Variants in DSCAML1 observed in about 807,000 individuals in gnomAD.
DSCAML1 encodes the protein DS cell adhesion molecule like 1.
DSCAML1 carries 38 observed loss-of-function variants against 200.5 expected under a neutral mutation model. The ratio of observed to expected loss-of-function variants is 0.19; its 90% CI spans 0.15 to 0.25. The LOEUF is 0.25. Ranked by LOEUF, DSCAML1 falls within the 10% of genes least tolerant of loss-of-function variation. The pLI, the probability that DSCAML1 is intolerant of heterozygous loss-of-function variation, is 1.00. For missense variants in DSCAML1, 2,223 were observed against 2,858.8 expected (o/e 0.78, Z 5.07); for synonymous variants, 1,215 against 1,165.0 (o/e 1.04, Z -0.87).
chr11:117,504,852 C>A lies in DSCAML1; in HGVS notation c.2182+72G>T. 1 of 1,529,492 alleles carries A rather than the reference C, an allele frequency of 6.5e-7. No individual in the cohort carries two copies. The highest frequency in any genetic ancestry group is 8.8e-7 in the Non-Finnish European group (1 of 1,133,802). 94.7% of individuals were successfully genotyped at this position (1,529,492 alleles called of 1,614,324 possible). A position where few individuals can be genotyped will look rare whatever the true frequency, so the allele number is the denominator to read the frequency against. ...AGGAGTTGCCTGCATGGAACAGGTT[C>A]AAATCCCACAGAGCATCCTCCGTTC... On this transcript the variant is annotated intron_variant, in intron 10 of 32. Coordinates refer to ENST00000651296, the MANE Select transcript of DSCAML1 (RefSeq NM_020693.4). This position sits in a 1 kb window ranked among gnomAD's most constrained non-coding sequence, Gnocchi z 5.0.
chr11:117,668,195 A>G (rs1296795426), intron 3 of DSCAML1, among the ~76,000 whole-genome samples: 1 of 152,250 alleles, frequency 6.6e-6, no homozygotes, highest in Non-Finnish European at 1.5e-5. Context: ...GGAATGAGAC[A>G]GATGTGGTCT....
At chr11:117,711,316 C>G (rs2053845148) in intron 3 of DSCAML1, among the ~76,000 whole-genome samples, 2 of 152,190 alleles carry the variant, frequency 1.3e-5, no homozygotes, top group Middle Eastern at 3.2e-3. Context: ...CAAAAATGTG[C>G]TGACTGTGAG....
At chr11:117,578,236 G>GAAAAAAAAAAAA (rs59533726) in intron 3 of DSCAML1, among the ~76,000 whole-genome samples, 1 of 101,410 alleles carries the variant, frequency 9.9e-6, no homozygotes, top group Admixed American at 1.0e-4. Flanking sequence ...ACTCTGTCTC[G>GAAAAAAAAAAAA]AAAAAAAAAA....
rs758285923 is a variant in DSCAML1 at position 117,428,304 on chromosome 11, G to C, written c.*24C>G. 7 of 1,333,694 alleles carry C rather than the reference G, an allele frequency of 5.2e-6. No homozygotes were observed. The South Asian group carries it at 7.3e-5, about 14-fold the overall frequency. The allele number at this position is 1,333,694 out of a possible 1,614,324, so 82.6% of individuals were successfully genotyped here. A position where few individuals can be genotyped will look rare whatever the true frequency, so the allele number is the denominator to read the frequency against. On this transcript the variant is annotated 3_prime_UTR_variant, in exon 33 of 33. Transcript: ENST00000651296. ...GGGGCTGCGGCGCGGCGCGGTCCAG[G>C]CGTGGCTGCTCTTCCTGCGGGCCCT...
intron 3 of DSCAML1, among the ~76,000 whole-genome samples, chr11:117,730,763 A>G (rs781253868): frequency 6.6e-6 from 1 of 152,254 alleles, no homozygotes; most frequent in Non-Finnish European, 1.5e-5. Context: ...AAATGTTCAC[A>G]GCAGCATTTT....
chr11:117,579,182 C>T (rs1035615938), intron 3 of DSCAML1, among the ~76,000 whole-genome samples: 2 of 152,188 alleles, frequency 1.3e-5, no homozygotes, highest in African/African-American at 4.8e-5. Context: ...TGCTTCCACT[C>T]TTGTCCTCTT....
chr11:117,718,668 A>AAACC (rs1491277934), intron 3 of DSCAML1, among the ~76,000 whole-genome samples: 4 of 25,782 alleles, frequency 1.6e-4, no homozygotes, highest in African/African-American at 2.8e-4. Context: ...AATACTCAAA[A>AAACC]CCCCCCCCCC....
At chr11:117,634,930 C>A (rs1808122059) in intron 3 of DSCAML1, among the ~76,000 whole-genome samples, 2 of 152,208 alleles carry the variant, frequency 1.3e-5, no homozygotes, top group South Asian at 4.1e-4. Flanking sequence ...GACATCAGAT[C>A]TTGTCTCTGG....
chr11:117,617,841 T>C (rs2051843096), intron 3 of DSCAML1, among the ~76,000 whole-genome samples: 1 of 151,894 alleles, frequency 6.6e-6, no homozygotes, highest in Admixed American at 6.6e-5. Context: ...ACTCTGTGCC[T>C]CCCCTCGCTA....
chr11:117,523,402 C>G lies in DSCAML1; in HGVS notation c.937+1403G>C, dbSNP rs1057475755. Among the ~76,000 whole-genome samples, 8 of 152,316 alleles carry G rather than the reference C, an allele frequency of 5.3e-5. No individual in the cohort carries two copies. In the South Asian group the frequency reaches 6.2e-4, roughly 12 times the overall value. On this transcript the variant is annotated intron_variant, in intron 5 of 32. Coordinates refer to ENST00000651296, the MANE Select transcript of DSCAML1 (RefSeq NM_020693.4). ...GGAGGTGCCAATCCTGATCCTCTGTCTGCTCTGCTGTCCAGGGCTTGTTTG... is the reference window on the plus strand; with the variant it reads ...GGAGGTGCCAATCCTGATCCTCTGTGTGCTCTGCTGTCCAGGGCTTGTTTG...
intron 11 of DSCAML1, among the ~76,000 whole-genome samples, chr11:117,487,323 T>G (rs1302861195): frequency 6.6e-6 from 1 of 152,146 alleles, no homozygotes. Context: ...TTTATTTTTT[T>G]GAACATGTGA....
intron 3 of DSCAML1, among the ~76,000 whole-genome samples, chr11:117,712,893 G>C (rs1452968918): frequency 1.3e-5 from 2 of 151,994 alleles, no homozygotes; most frequent in African/African-American, 2.4e-5. Flanking sequence ...TTCTGGGGCT[G>C]AGTGAGTGTG....
chr11:117,637,035 T>C (rs2052301755), intron 3 of DSCAML1, among the ~76,000 whole-genome samples: 1 of 152,196 alleles, frequency 6.6e-6, no homozygotes, highest in Admixed American at 6.5e-5. Context: ...TGCTTTCTCT[T>C]GCTCCTGGCC....
chr11:117,738,905 G>A (rs1374027490), intron 3 of DSCAML1, among the ~76,000 whole-genome samples: 1 of 152,204 alleles, frequency 6.6e-6, no homozygotes, highest in Non-Finnish European at 1.5e-5. Context: ...GGTAAGAGAT[G>A]AAGAGATGTA....
At chr11:117,483,396 C>T (rs1592648564) in intron 11 of DSCAML1, among the ~76,000 whole-genome samples, 1 of 152,196 alleles carries the variant, frequency 6.6e-6, no homozygotes, top group African/African-American at 2.4e-5. Context: ...GACTGAGGGG[C>T]ATCAGGGAAA....
intron 4 of DSCAML1, among the ~76,000 whole-genome samples, chr11:117,529,239 G>A (rs1039445789): frequency 6.6e-6 from 1 of 151,952 alleles, no homozygotes; most frequent in Non-Finnish European, 1.5e-5. Context: ...CACCACACTC[G>A]GCTAACGTTT....
intron 11 of DSCAML1, among the ~76,000 whole-genome samples, chr11:117,486,064 A>G (rs1009105536): frequency 6.6e-6 from 1 of 152,238 alleles, no homozygotes; most frequent in African/African-American, 2.4e-5. Flanking sequence ...AGTGGCAGGG[A>G]AAAGGGTGTG....
intron 3 of DSCAML1, among the ~76,000 whole-genome samples, chr11:117,675,362 A>G (rs1184264459): frequency 6.6e-6 from 1 of 151,408 alleles, no homozygotes; most frequent in East Asian, 1.9e-4. Context: ...CTGTGGTGTG[A>G]TCATGGCTCA....
chr11:117,470,303 C>A (rs568723181), intron 15 of DSCAML1, among the ~76,000 whole-genome samples: 1 of 152,010 alleles, frequency 6.6e-6, no homozygotes, highest in Non-Finnish European at 1.5e-5. Flanking sequence ...AGGCCGGGCG[C>A]GGTGGCTCAC....
Sources: gnomAD v4.1 joint callset for allele counts (sites outside exome capture counted in the v4.1 genomes callset) on GRCh38, gnomAD v4.1.1 for gene constraint, Gnocchi (gnomAD v3.1) non-coding constraint, MANE v1.5 for transcripts, NCBI Gene and HGNC (gene_info 2026-07-23, HGNC 2026-07-21) for gene names.